DZANK1: variants seen among roughly 807,000 people sequenced by gnomAD.
The protein encoded by DZANK1 is double zinc ribbon and ankyrin repeat domains 1.
DZANK1 carries 91 observed loss-of-function variants against 94.5 expected under a neutral mutation model. The observed-to-expected ratio is 0.96, with a 90% CI of 0.81 to 1.15. The LOEUF (loss-of-function observed/expected upper bound fraction) is 1.15, where lower values mean the gene tolerates loss of function less well. Ranked by LOEUF, DZANK1 falls within the 50% of genes most tolerant of loss-of-function variation. The probability of loss-of-function intolerance (pLI) is 0.00; values close to 1 mark genes in which losing one functional copy is unlikely to be tolerated. For synonymous variants in DZANK1, 312 were observed against 325.3 expected, an observed-to-expected ratio of 0.96 and a Z score of 0.44; for missense variants, 903 against 916.4, an observed-to-expected ratio of 0.99 and a Z score of 0.19.
At chr20:18,430,854 T>C (rs1319631201) in intron 9 of DZANK1, among the ~76,000 whole-genome samples, 1 of 151,956 alleles carries the variant, frequency 6.6e-6, no homozygotes, top group African/African-American at 2.4e-5. Context: ...AAATGACCAA[T>C]AGATGCATTT....
intron 3 of DZANK1, among the ~76,000 whole-genome samples, chr20:18,459,512 G>A (rs2059401592): frequency 6.6e-6 from 1 of 152,042 alleles, no homozygotes; most frequent in African/African-American, 2.4e-5. Context: ...TGCATTGCTG[G>A]AAAAATAATT....
intron 6 of DZANK1, among the ~76,000 whole-genome samples, chr20:18,449,755 C>CAA (rs55784090): frequency 1.0e-5 from 1 of 99,076 alleles, no homozygotes; most frequent in Non-Finnish European, 1.9e-5. Context: ...GACTCTGTCT[C>CAA]AAAAAAAAAA....
At chr20:18,452,910 G>A (rs1317601613) in intron 5 of DZANK1, among the ~76,000 whole-genome samples, 171 bp from the exon 6 acceptor site, 1 of 152,158 alleles carries the variant, frequency 6.6e-6, no homozygotes, top group Non-Finnish European at 1.5e-5. Flanking sequence ...TGCATTAGAA[G>A]TGAGAAAGAA....
exon 21 of DZANK1, chr20:18,384,182 C>G: frequency 2.8e-6 from 1 of 361,604 alleles, no homozygotes; most frequent in East Asian, 5.3e-5. Context: ...GCCTCAGCCT[C>G]TCGAGTAACT....
intron 9 of DZANK1, chr20:18,433,152 CTT>C (rs1340645648): frequency 6.4e-6 from 1 of 155,248 alleles, no homozygotes; most frequent in Non-Finnish European, 1.4e-5. Flanking sequence ...ACATATCTCT[CTT>C]AATATTATAG....
chr20:18,464,193 C>T (rs1485628511), intron 2 of DZANK1, among the ~76,000 whole-genome samples: 5 of 152,058 alleles, frequency 3.3e-5, no homozygotes, highest in African/African-American at 9.7e-5. Context: ...CCTGCCTCAG[C>T]CTCCCGAGTA....
At chr20:18,405,359 A>G (rs2056909604) in intron 13 of DZANK1, among the ~76,000 whole-genome samples, 1 of 152,146 alleles carries the variant, frequency 6.6e-6, no homozygotes, top group Non-Finnish European at 1.5e-5. Flanking sequence ...AAGTAGGATA[A>G]AAAAGAATTA....
At chr20:18,402,452 G>A (rs1023281881) in intron 13 of DZANK1, among the ~76,000 whole-genome samples, 1 of 152,106 alleles carries the variant, frequency 6.6e-6, no homozygotes, top group Non-Finnish European at 1.5e-5. Context: ...ATAAGGGAAT[G>A]CCTCAAGTGA....
chr20:18,439,476 C>T (rs560848400), intron 8 of DZANK1, among the ~76,000 whole-genome samples: 3 of 152,288 alleles, frequency 2.0e-5, no homozygotes, highest in African/African-American at 7.2e-5. Context: ...AGGCGATACA[C>T]TAGAAGGCTG....
intron 8 of DZANK1, among the ~76,000 whole-genome samples, chr20:18,438,452 T>A (rs2058615312): frequency 6.6e-6 from 1 of 152,056 alleles, no homozygotes; most frequent in Admixed American, 6.6e-5. Context: ...AAACACACCT[T>A]AAATTCAAAG....
rs555309123 is a variant in DZANK1, at chr20:18,432,764, C to G, written c.861+888G>C. 3.9e-5 allele frequency: 6 copies of G among 152,198 alleles called. No individual in the cohort carries two copies. In the East Asian group the frequency reaches 9.6e-4, roughly 24 times the overall value. The allele number at this position is 152,198 out of a possible 1,614,324, so 9.4% of individuals were successfully genotyped here. On this transcript the variant is annotated intron_variant, in intron 9 of 20. Coordinates refer to ENST00000262547, the Ensembl canonical transcript of DZANK1. ...CCCTCTATTAAATCTATTTTATCCT[C>G]TAGTGACCTTTACTTGGGATTAAAG...
intron 13 of DZANK1, among the ~76,000 whole-genome samples, chr20:18,405,332 G>A (rs190818031): frequency 1.3e-5 from 2 of 152,128 alleles, no homozygotes; most frequent in Non-Finnish European, 1.5e-5. Context: ...CACAAGAGGC[G>A]CTCAACAGTA....
chr20:18,457,111 T>C (rs528981042), intron 3 of DZANK1, among the ~76,000 whole-genome samples: 2 of 152,308 alleles, frequency 1.3e-5, no homozygotes, highest in South Asian at 4.1e-4. Flanking sequence ...TCTCTGTAGG[T>C]ATTTGCTTGA....
chr20:18,450,820 A>C (rs779824492), intron 6 of DZANK1, among the ~76,000 whole-genome samples: 1 of 152,234 alleles, frequency 6.6e-6, no homozygotes, highest in Non-Finnish European at 1.5e-5. Flanking sequence ...TAGATGCCAA[A>C]AGTCCAAATT....
intron 13 of DZANK1, among the ~76,000 whole-genome samples, chr20:18,402,150 G>A (rs991417874): frequency 1.3e-5 from 2 of 152,134 alleles, no homozygotes; most frequent in African/African-American, 4.8e-5. Context: ...GTTAGAGTAG[G>A]TAGCTAGGGA....
In DZANK1 at chr20:18,401,637, C is replaced by G. The variant is rs1352660732; in HGVS notation, c.1433-3011G>C. Among the ~76,000 whole-genome samples, 4 of 152,368 alleles carry G rather than the reference C, an allele frequency of 2.6e-5. No individual in the cohort carries two copies. In the East Asian group the frequency reaches 7.7e-4, roughly 29 times the overall value. On this transcript the variant is annotated intron_variant, in intron 13 of 20. Coordinates refer to ENST00000262547, the Ensembl canonical transcript of DZANK1. Reference sequence around the variant, plus strand: ...GATGGCACAAACTACTGGGAGCTGTCTGGGATGGCTCAGCCTTCACCTGCA... The same window carrying G: ...GATGGCACAAACTACTGGGAGCTGTGTGGGATGGCTCAGCCTTCACCTGCA...
At chr20:18,402,520 G>A (rs1470200526) in intron 13 of DZANK1, among the ~76,000 whole-genome samples, 1 of 152,032 alleles carries the variant, frequency 6.6e-6, no homozygotes, top group African/African-American at 2.4e-5. Context: ...AGTACTGGCA[G>A]GCCACTGAAC....
chr20:18,424,878 T>G (rs1272620711), intron 10 of DZANK1, among the ~76,000 whole-genome samples: 5 of 151,098 alleles, frequency 3.3e-5, no homozygotes, highest in African/African-American at 1.2e-4. Context: ...AAAAAAAAAA[T>G]CAATACATGC....
intron 2 of DZANK1, among the ~76,000 whole-genome samples, chr20:18,464,438 C>T (rs915957395): frequency 1.3e-5 from 2 of 152,120 alleles, no homozygotes; most frequent in African/African-American, 2.4e-5. Context: ...CATACATACA[C>T]GAACCTATTT....
Sources: gnomAD v4.1 joint callset for allele counts (sites outside exome capture counted in the v4.1 genomes callset) on GRCh38, gnomAD v4.1.1 for gene constraint, MANE v1.5 for transcripts, NCBI Gene and HGNC (gene_info 2026-07-23, HGNC 2026-07-21) for gene names.